The following POM121C variants were observed in gnomAD, a reference collection of about 807,000 sequenced individuals.
The protein encoded by POM121C is POM121 transmembrane nucleoporin C, also known as nuclear envelope pore membrane protein POM 121C.
A neutral mutation model predicts 66.4 loss-of-function variants in POM121C; 20 were observed. The ratio of observed to expected loss-of-function variants is 0.30; its 90% CI spans 0.21 to 0.44. The LOEUF is 0.44. Ranked by LOEUF, POM121C falls within the 20% of genes least tolerant of loss-of-function variation. The probability of loss-of-function intolerance (pLI) is 1.00; values close to 1 mark genes in which losing one functional copy is unlikely to be tolerated. For synonymous variants in POM121C, 286 were observed against 528.0 expected (o/e 0.54, Z 6.28); for missense variants, 580 against 1,225.7 (o/e 0.47, Z 7.87).
At chr7:75,483,871 C>T (rs1348747596) in intron 1 of POM121C, among the ~76,000 whole-genome samples, 19 of 151,936 alleles carry the variant, frequency 1.3e-4, no homozygotes, top group African/African-American at 3.4e-4. Flanking sequence ...GAGGCTGAGG[C>T]GGGAGGATCA....
chr7:75,482,061 G>T (rs1301394839), intron 1 of POM121C, among the ~76,000 whole-genome samples: 7 of 151,706 alleles, frequency 4.6e-5, no homozygotes, highest in East Asian at 1.9e-4. Context: ...TAGACTTCCA[G>T]ATCAAACTAC....
intron 7 of POM121C, among the ~76,000 whole-genome samples, chr7:75,436,369 G>C (rs1327205237): frequency 2.6e-5 from 4 of 152,186 alleles, no homozygotes; most frequent in Non-Finnish European, 4.4e-5. Flanking sequence ...GAAGCTATCT[G>C]TCGAAGACTG....
intron 14 of POM121C, 110 bp from the exon 15 acceptor site, chr7:75,419,003 A>G (rs1410600410): frequency 1.4e-6 from 2 of 1,463,482 alleles, no homozygotes; most frequent in African/African-American, 2.9e-5. Flanking sequence ...GGGTGCCTCA[A>G]TAGGGCTTTC....
At chr7:75,437,461 A>C in intron 7 of POM121C, 54 bp downstream of exon 7, 1 of 1,569,170 alleles carries the variant, frequency 6.4e-7, no homozygotes, top group Non-Finnish European at 8.7e-7. Context: ...GCCCTAATCA[A>C]TGAATGAACG....
At chr7:75,463,935 G>A (rs1339574032) in intron 3 of POM121C, among the ~76,000 whole-genome samples, 1 of 150,592 alleles carries the variant, frequency 6.6e-6, no homozygotes, top group African/African-American at 2.5e-5. Context: ...CAGGCAATCT[G>A]CCCACCTCGG....
chr7:75,436,716 G>C (rs1229653690), intron 7 of POM121C, among the ~76,000 whole-genome samples: 1 of 152,124 alleles, frequency 6.6e-6, no homozygotes, highest in African/African-American at 2.4e-5. Flanking sequence ...CAGCACTTCA[G>C]AGATAAGAAA....
intron 3 of POM121C, among the ~76,000 whole-genome samples, chr7:75,443,039 A>G (rs1413802360): frequency 1.3e-5 from 2 of 152,016 alleles, no homozygotes; most frequent in Non-Finnish European, 2.9e-5. Flanking sequence ...CTAATCCGTG[A>G]TCTTTTCTAG....
At position 75,437,528 on chromosome 7, in the gene POM121C, C is replaced by T. The variant is rs868934979; in HGVS notation, c.467G>A (p.Arg156Gln). The change falls in exon 7 of 15, where the codon CGA becomes CAA. Residue 156 changes from arginine (R) to glutamine (Q), a missense_variant. Transcript: ENST00000615331. ...CTGTACTTGTACCTGTGAGATGCCT[C>T]GAGTGGAGCTGTAGGAACTGGTAAT... ...NAITSSYSST[R>Q]GISQLWKRNG... 8 of 1,611,910 alleles carry T rather than the reference C, an allele frequency of 5.0e-6. No homozygotes were observed. Among genetic ancestry groups the T allele is most frequent in the East Asian group, 2.2e-5 (1 of 44,874 alleles).
intron 3 of POM121C, among the ~76,000 whole-genome samples, chr7:75,460,227 TA>T (rs1446114886): frequency 7.1e-6 from 1 of 139,886 alleles, no homozygotes; most frequent in East Asian, 1.9e-4. Flanking sequence ...TGTGGTAGCT[TA>T]TGCCTATAAT....
In POM121C at chr7:75,479,498, C is replaced by T. The variant is rs587703567; in HGVS notation, c.-457-4310G>A. ...GGGCGTGATGGTGGGTGTCTGTAAT[C>T]CCAGCTACCCAGGAGGCTGAGGCAG... On this transcript the variant is annotated intron_variant, in intron 1 of 14. Coordinates refer to ENST00000615331, the MANE Select transcript of POM121C (RefSeq NM_001099415.3). Among the ~76,000 whole-genome samples, 269 of 148,642 alleles carry T rather than the reference C, an allele frequency of 1.8e-3. 2 individuals are homozygous for T. Among genetic ancestry groups the T allele is most frequent in the African/African-American group, 6.4e-3 (248 of 38,562 alleles).
At chr7:75,433,386 C>T (rs1370272541) in intron 7 of POM121C, among the ~76,000 whole-genome samples, 1 of 151,792 alleles carries the variant, frequency 6.6e-6, no homozygotes, top group Middle Eastern at 3.4e-3. Context: ...GATGGAGTCT[C>T]GCTCTGTCGC....
chr7:75,474,766 T>C lies in POM121C; in HGVS notation c.-214A>G, dbSNP rs1238527179. 1.4e-5 allele frequency: 20 copies of C among 1,403,792 alleles called. No individual in the cohort carries two copies. The highest frequency in any genetic ancestry group is 9.0e-5 in the Admixed American group (5 of 55,602). The allele number at this position is 1,403,792 out of a possible 1,614,324, so 87.0% of individuals were successfully genotyped here. ...CCACAGCTCCTCTCCCTGCTCCAACTTAATGATGACGTTTGGCTTGGTGAT... is the reference window on the plus strand; with the variant it reads ...CCACAGCTCCTCTCCCTGCTCCAACCTAATGATGACGTTTGGCTTGGTGAT... On this transcript the variant is annotated 5_prime_UTR_variant, in exon 3 of 15. Transcript: ENST00000615331.
intron 3 of POM121C, among the ~76,000 whole-genome samples, chr7:75,447,617 C>G (rs1403461770): frequency 1.3e-5 from 2 of 151,932 alleles, no homozygotes; most frequent in Non-Finnish European, 2.9e-5. Flanking sequence ...AACATATTTT[C>G]AGACACATAA....
rs587740294 is a variant in POM121C, at chr7:75,416,791, T to C, written c.*2005A>G. On this transcript the variant is annotated 3_prime_UTR_variant, in exon 15 of 15. Coordinates refer to ENST00000615331, the MANE Select transcript of POM121C (RefSeq NM_001099415.3). ...ATAAAATGCAGAACGTACTCTACGA[T>C]AGATCACAGTTTTTTATTCTTAATG... 26 of 1,524,588 alleles carry C rather than the reference T, an allele frequency of 1.7e-5. No homozygotes were observed. Among genetic ancestry groups the C allele is most frequent in the African/African-American group, 1.4e-4 (10 of 71,934 alleles). 94.4% of individuals were successfully genotyped at this position (1,524,588 alleles called of 1,614,324 possible).
intron 7 of POM121C, among the ~76,000 whole-genome samples, chr7:75,436,807 GAC>G (rs1223126757): frequency 4.6e-5 from 7 of 151,988 alleles, no homozygotes; most frequent in African/African-American, 1.7e-4. Context: ...TTTTCTTTGA[GAC>G]ACAGTCTCGC....
At chr7:75,418,979 A>G (rs1175363931) in intron 14 of POM121C, 86 bp from the exon 15 acceptor site, 4 of 1,490,074 alleles carry the variant, frequency 2.7e-6, no homozygotes, top group Non-Finnish European at 3.6e-6. Context: ...AGGCCAGGCC[A>G]GTAATAAAAC....
intron 7 of POM121C, among the ~76,000 whole-genome samples, chr7:75,434,865 A>C (rs1489994228): frequency 6.6e-6 from 1 of 152,124 alleles, no homozygotes; most frequent in Non-Finnish European, 1.5e-5. Context: ...GTGAGCCTCC[A>C]TGCCCATCCT....
At chr7:75,419,183 T>C in intron 14 of POM121C, 137 bp downstream of exon 14, 7 of 1,380,780 alleles carry the variant, frequency 5.1e-6, no homozygotes, top group East Asian at 2.5e-5. Context: ...CCCTGGGCTG[T>C]GCTGTACTCC....
At chr7:75,474,678 T>A (rs1792008825) in intron 3 of POM121C, 26 bp downstream of exon 3, 1 of 1,296,578 alleles carries the variant, frequency 7.7e-7, no homozygotes, top group Non-Finnish European at 1.1e-6. Context: ...GAGCATTTTT[T>A]AACATTTGAT....
Sources: gnomAD v4.1 joint callset for allele counts (sites outside exome capture counted in the v4.1 genomes callset) on GRCh38, gnomAD v4.1.1 for gene constraint, MANE v1.5 for transcripts, NCBI Gene and HGNC (gene_info 2026-07-23, HGNC 2026-07-21) for gene names.